STK3: variants seen among roughly 807,000 people sequenced by gnomAD.
STK3 encodes serine/threonine-protein kinase 3.
STK3 carries 41 observed loss-of-function variants against 58.0 expected under a neutral mutation model. That is an observed-to-expected ratio of 0.71 (90% CI 0.55 to 0.92). STK3 has a LOEUF of 0.92. STK3 is among the 40% of genes least tolerant of loss of function. STK3 has a pLI of 0.00. For synonymous variants in STK3, 170 were observed against 191.0 expected (o/e 0.89, Z 0.91); for missense variants, 479 against 602.7 (o/e 0.79, Z 2.15).
chr8:98,586,093 TCTC>T (rs1192690016), intron 7 of STK3, among the ~76,000 whole-genome samples: 1 of 152,104 alleles, frequency 6.6e-6, no homozygotes, highest in Admixed American at 6.5e-5. Context: ...TTGATTTACT[TCTC>T]CTGCCTGATT....
chr8:98,788,727 A>C (rs1278944480), intron 1 of STK3, among the ~76,000 whole-genome samples: 1 of 152,178 alleles, frequency 6.6e-6, no homozygotes, highest in Non-Finnish European at 1.5e-5. Flanking sequence ...CACAATCCTA[A>C]ATATATATGC....
At chr8:98,748,974 C>T (rs925429207) in intron 4 of STK3, among the ~76,000 whole-genome samples, 2 of 151,644 alleles carry the variant, frequency 1.3e-5, no homozygotes, top group Non-Finnish European at 2.9e-5. Context: ...TTATGAAACT[C>T]ACATTATTAA....
In STK3 at chr8:98,783,934, C is replaced by T. The variant is rs559330050; in HGVS notation, c.27-9115G>A. On this transcript the variant is annotated intron_variant, in intron 1 of 10. Coordinates refer to ENST00000419617, the MANE Select transcript of STK3 (RefSeq NM_006281.4). ...AGACACCTCAGATCCAAGGAAGACACACAAACACAAACAGCCCCTATTATG... is the reference window on the plus strand; with the variant it reads ...AGACACCTCAGATCCAAGGAAGACATACAAACACAAACAGCCCCTATTATG... 1.1e-4 allele frequency among the ~76,000 whole-genome samples: 17 copies of T among 152,282 alleles called. 1 individual carries two copies. The East Asian group carries it at 3.1e-3, about 28-fold the overall frequency.
intron 8 of STK3, among the ~76,000 whole-genome samples, chr8:98,571,191 A>G (rs1445518599): frequency 6.6e-6 from 1 of 152,104 alleles, no homozygotes; most frequent in Non-Finnish European, 1.5e-5. Context: ...TTAGCTGGGC[A>G]TGGTGGCACA....
intron 1 of STK3, among the ~76,000 whole-genome samples, chr8:98,887,399 A>T (rs181980730): frequency 7.7e-4 from 117 of 152,344 alleles, no homozygotes; most frequent in Admixed American, 1.8e-3. Context: ...ATCCGAAAAA[A>T]TCCAAAATCC....
intron 4 of STK3, among the ~76,000 whole-genome samples, chr8:98,729,424 C>A (rs1224305110): frequency 6.6e-6 from 1 of 151,976 alleles, no homozygotes; most frequent in Non-Finnish European, 1.5e-5. Flanking sequence ...CCGTTTGATT[C>A]TATTAAAGAA....
intron 3 of STK3, among the ~76,000 whole-genome samples, chr8:98,757,061 C>T (rs116952586): frequency 0.011 from 1,438 of 135,324 alleles, 13 homozygotes; most frequent in Non-Finnish European, 0.015. Context: ...GGTACTTCCC[C>T]GTGGAGCCCC....
At chr8:98,514,684 C>T (rs910762097) in intron 10 of STK3, among the ~76,000 whole-genome samples, 2 of 152,074 alleles carry the variant, frequency 1.3e-5, no homozygotes, top group African/African-American at 2.4e-5. Flanking sequence ...ACTCACCTTA[C>T]ATTTGGGATA....
At chr8:98,704,454 T>A (rs1260972554) in intron 6 of STK3, among the ~76,000 whole-genome samples, 1 of 152,032 alleles carries the variant, frequency 6.6e-6, no homozygotes, top group Non-Finnish European at 1.5e-5. Flanking sequence ...AAATTGCCTA[T>A]ATACAAAATA....
chr8:98,883,577 C>T, downstream of STK3: 2 of 669,456 alleles, frequency 3.0e-6, no homozygotes, highest in Non-Finnish European at 2.7e-6. Context: ...GGACAATAAA[C>T]ATCTAAAGGA....
At chr8:98,888,380 A>C (rs938273720) in intron 1 of STK3, among the ~76,000 whole-genome samples, 4 of 152,198 alleles carry the variant, frequency 2.6e-5, no homozygotes, top group African/African-American at 9.6e-5. Context: ...ATCAAATAGC[A>C]CAGGGGCTGA....
intron 6 of STK3, among the ~76,000 whole-genome samples, chr8:98,675,236 T>C (rs1344550831): frequency 6.6e-6 from 1 of 152,186 alleles, no homozygotes; most frequent in Non-Finnish European, 1.5e-5. Context: ...CTACACTATA[T>C]ATGAGAAAGA....
chr8:98,873,805 G>C (rs888962419), intron 3 of STK3, among the ~76,000 whole-genome samples: 25 of 152,082 alleles, frequency 1.6e-4, no homozygotes, highest in Admixed American at 1.6e-3. Context: ...CAGTTTGCCA[G>C]TCTGTGTCTT....
Position 98,531,178 on chromosome 8 carries a change from T to G in STK3, c.1142-4261A>C, listed in dbSNP as rs74752863. 2.2e-3 allele frequency among the ~76,000 whole-genome samples: 330 copies of G among 152,344 alleles called. 1 individual carries two copies. The highest frequency in any genetic ancestry group is 7.6e-3 in the African/African-American group (318 of 41,578). On this transcript the variant is annotated intron_variant, in intron 9 of 10. Transcript: ENST00000419617. ...CTTTCCAGAAGGTTTTCAACTTACT[T>G]GATCCAGATCCATCAAAGCAATCAT...
At chr8:98,901,362 T>TC (rs937944891) in intron 1 of STK3, among the ~76,000 whole-genome samples, 9 of 152,198 alleles carry the variant, frequency 5.9e-5, no homozygotes, top group Non-Finnish European at 1.2e-4. Flanking sequence ...GGCTTCTCCT[T>TC]CCCCCATCCA....
intron 9 of STK3, among the ~76,000 whole-genome samples, chr8:98,543,192 AG>A (rs5893466): frequency 0.34 from 51,428 of 151,942 alleles, 9,444 homozygotes; most frequent in Admixed American, 0.48. Context: ...AGGCATTGCA[AG>A]TGGCCAAAGG....
At chr8:98,471,546 CTATTT>C (rs1481801504) in intron 10 of STK3, among the ~76,000 whole-genome samples, 2 of 151,898 alleles carry the variant, frequency 1.3e-5, no homozygotes, top group African/African-American at 4.8e-5. Flanking sequence ...AACGCAAAGC[CTATTT>C]TATAATAAAG....
rs560205328 is a variant in STK3, at chr8:98,547,984, C to T, written c.1126G>A (p.Asp376Asn). Residue 376 changes from aspartate (D) to asparagine (N), a missense_variant, in exon 9 of 11, where the codon GAT (aspartate) becomes AAT (asparagine). Physicochemically the swap from Asp to Asn is conservative, Grantham distance 23. This residue lies in a region of STK3 where 309 missense variants were observed against 355.7 expected (regional missense o/e 0.87). Transcript: ENST00000419617. Reference sequence around the variant, plus strand: ...AGCCACATACTTTTCATAGTTCCATCTTCTTCTTCCTCATCCTCACTGTTT... The same window carrying T: ...AGCCACATACTTTTCATAGTTCCATTTTCTTCTTCCTCATCCTCACTGTTT... Reference protein sequence around the residue: ...VINSEDEEEEDGTMKRNATSP... With the variant: ...VINSEDEEEENGTMKRNATSP... 6.3e-7 allele frequency: 1 copy of T among 1,589,044 alleles called. No individual in the cohort carries two copies. Among genetic ancestry groups the T allele is most frequent in the South Asian group, 1.2e-5 (1 of 85,992 alleles).
At chr8:98,569,913 ATG>A (rs534903718) in intron 8 of STK3, among the ~76,000 whole-genome samples, 85 of 147,292 alleles carry the variant, frequency 5.8e-4, no homozygotes, top group Non-Finnish European at 7.4e-4. Context: ...AAAAAAAAAT[ATG>A]TGTGTGTGTG....
Sources: gnomAD v4.1 joint callset for allele counts (sites outside exome capture counted in the v4.1 genomes callset) on GRCh38, gnomAD v4.1.1 for gene constraint, gnomAD v4.1.1 regional missense constraint, MANE v1.5 for transcripts, NCBI Gene and HGNC (gene_info 2026-07-23, HGNC 2026-07-21) for gene names.